Variants in SV2C observed in about 807,000 individuals in gnomAD.
SV2C encodes solute carrier family 22 member B3.
In SV2C, 49 loss-of-function variants were observed where a neutral mutation model predicts 79.7. That is an observed-to-expected ratio of 0.61 (90% confidence interval 0.49 to 0.78). SV2C has a LOEUF of 0.78. Among genes scored for constraint, SV2C ranks in the 30% least tolerant of loss-of-function variants. SV2C has a pLI of 0.00. For synonymous variants in SV2C, 334 were observed against 333.2 expected, an observed-to-expected ratio of 1.00 and a Z score of -0.03; for missense variants, 833 against 912.9, an observed-to-expected ratio of 0.91 and a Z score of 1.13.
At chr5:75,991,092 C>T in the SV2C span, among the ~76,000 whole-genome samples, 1 of 151,888 alleles carries the variant, frequency 6.6e-6, no homozygotes, top group Admixed American at 6.6e-5. Context: ...TGACAATTTG[C>T]AGTCTTACCA....
intron 4 of SV2C, among the ~76,000 whole-genome samples, chr5:76,216,100 G>A (rs1199641410): frequency 6.6e-6 from 1 of 152,176 alleles, no homozygotes; most frequent in Non-Finnish European, 1.5e-5. Flanking sequence ...AGTGAGTTAA[G>A]ACATGGGCTG....
chr5:75,934,302 C>CTTTCTTTT, the SV2C span, among the ~76,000 whole-genome samples: 4 of 107,836 alleles, frequency 3.7e-5, no homozygotes, highest in African/African-American at 1.3e-4. Context: ...TTCTTTCTTT[C>CTTTCTTTT]TTTTTTTTTT....
rs182658693 is a variant in SV2C at position 76,113,050 on chromosome 5, G to A, written c.-101-18600G>A. 1.4e-3 allele frequency among the ~76,000 whole-genome samples: 218 copies of A among 152,306 alleles called. 1 individual carries two copies. Among genetic ancestry groups the A allele is most frequent in the African/African-American group, 4.8e-3 (198 of 41,564 alleles). The stretch of plus-strand genomic sequence containing the variant: ...TTTATTTTTGTTCGTTTTGCATCTA[G>A]CACAAGTATAAGTTTGCAAAAGCCT... On this transcript the variant is annotated intron_variant, in intron 1 of 12. Transcript: ENST00000502798.
At chr5:75,961,054 C>T in the SV2C span, among the ~76,000 whole-genome samples, 2 of 151,838 alleles carry the variant, frequency 1.3e-5, no homozygotes, top group African/African-American at 2.4e-5. Flanking sequence ...CCATATGCCA[C>T]GTATCTAAAT....
At chr5:75,988,118 T>G in the SV2C span, among the ~76,000 whole-genome samples, 2 of 152,040 alleles carry the variant, frequency 1.3e-5, no homozygotes, top group Non-Finnish European at 2.9e-5. Context: ...TGTGCATGTA[T>G]GTGTGCACAC....
At chr5:76,279,155 T>A (rs967328196) in intron 4 of SV2C, among the ~76,000 whole-genome samples, 1 of 152,136 alleles carries the variant, frequency 6.6e-6, no homozygotes, top group Non-Finnish European at 1.5e-5. Context: ...AAACAAGAGT[T>A]TTCCTTGATA....
intron 2 of SV2C, among the ~76,000 whole-genome samples, chr5:76,163,787 C>G (rs1172503300): frequency 2.0e-5 from 3 of 152,204 alleles, no homozygotes; most frequent in Admixed American, 6.5e-5. Context: ...TTCTTTGCAC[C>G]CTTGAACCTG....
chr5:76,322,461 C>G (rs1748863190), intron 12 of SV2C, among the ~76,000 whole-genome samples: 1 of 148,372 alleles, frequency 6.7e-6, no homozygotes, highest in Non-Finnish European at 1.5e-5. Flanking sequence ...GCCATACTGC[C>G]CAAAGTAATT....
At chr5:75,901,407 A>G in the SV2C span, among the ~76,000 whole-genome samples, 4 of 152,114 alleles carry the variant, frequency 2.6e-5, no homozygotes, top group African/African-American at 7.2e-5. Context: ...ATGGATTTTC[A>G]TGAACTGAGG....
chr5:76,238,678 C>G (rs564627669), intron 4 of SV2C, among the ~76,000 whole-genome samples: 8 of 152,308 alleles, frequency 5.3e-5, no homozygotes, highest in African/African-American at 1.9e-4. Context: ...CAAAGGTACT[C>G]TAATTGTTTG....
chr5:75,943,516 C>T, the SV2C span, among the ~76,000 whole-genome samples: 1 of 152,062 alleles, frequency 6.6e-6, no homozygotes, highest in South Asian at 2.1e-4. Flanking sequence ...TCTTTGATTT[C>T]TCTATCCTGT....
At chr5:76,222,372 AAAGGCAT>A (rs1207982027) in intron 4 of SV2C, among the ~76,000 whole-genome samples, 4 of 152,168 alleles carry the variant, frequency 2.6e-5, no homozygotes, top group Non-Finnish European at 5.9e-5. Context: ...GCCAATCTCA[AAAGGCAT>A]TTATGTAACA....
the SV2C span, among the ~76,000 whole-genome samples, chr5:75,991,689 A>G: frequency 8.0e-5 from 12 of 149,802 alleles, no homozygotes; most frequent in Admixed American, 8.1e-4. Flanking sequence ...ATATATTTGC[A>G]AAACCATCAG....
At chr5:75,891,022 G>A in the SV2C span, among the ~76,000 whole-genome samples, 7 of 152,112 alleles carry the variant, frequency 4.6e-5, no homozygotes, top group African/African-American at 9.6e-5. Context: ...TAGATATCTC[G>A]TCCTATTTTT....
chr5:75,944,151 A>G, the SV2C span, among the ~76,000 whole-genome samples: 3 of 152,060 alleles, frequency 2.0e-5, no homozygotes, highest in Non-Finnish European at 4.4e-5. Context: ...CTGAGTAGCT[A>G]GGACTGCAGG....
the SV2C span, among the ~76,000 whole-genome samples, chr5:76,046,091 C>T: frequency 6.2e-4 from 94 of 152,092 alleles, no homozygotes; most frequent in African/African-American, 2.1e-3. Context: ...AGTTATCTCC[C>T]ACTGGAAGGT....
the SV2C span, among the ~76,000 whole-genome samples, chr5:76,025,627 G>A: frequency 7.2e-5 from 11 of 152,080 alleles, no homozygotes; most frequent in African/African-American, 2.7e-4. Flanking sequence ...GAGATATTGA[G>A]CCCCTTGATT....
chr5:76,076,229 A>G, the SV2C span, among the ~76,000 whole-genome samples: 1 of 152,244 alleles, frequency 6.6e-6, no homozygotes, highest in Non-Finnish European at 1.5e-5. Context: ...TGAGGTAAGC[A>G]TAAAGTATCA....
chr5:75,948,144 T>G, the SV2C span, among the ~76,000 whole-genome samples: 1 of 152,056 alleles, frequency 6.6e-6, no homozygotes, highest in East Asian at 1.9e-4. Context: ...CAAGTTACAT[T>G]GAATTATTTG....
Sources: gnomAD v4.1 joint callset for allele counts (sites outside exome capture counted in the v4.1 genomes callset) on GRCh38, gnomAD v4.1.1 for gene constraint, MANE v1.5 for transcripts, NCBI Gene and HGNC (gene_info 2026-07-23, HGNC 2026-07-21) for gene names.